Variants in NFATC3 observed in about 807,000 individuals in gnomAD.
The protein encoded by NFATC3 is nuclear factor of activated T cells 3, also known as nuclear factor of activated T-cells, cytoplasmic 3.
Under a neutral mutation model 98.6 loss-of-function variants are expected in NFATC3, and 46 were observed. That is an observed-to-expected ratio of 0.47 (90% CI 0.37 to 0.60). The LOEUF is 0.60. Among genes scored for constraint, NFATC3 ranks in the 20% least tolerant of loss-of-function variants. NFATC3 has a pLI of 0.00. For missense variants in NFATC3, 1,256 were observed against 1,295.5 expected (o/e 0.97, Z 0.47); for synonymous variants, 512 against 472.2 (o/e 1.08, Z -1.09).
chr16:68,173,317 A>T (rs2039550531), intron 5 of NFATC3, among the ~76,000 whole-genome samples: 2 of 152,164 alleles, frequency 1.3e-5, no homozygotes, highest in South Asian at 4.1e-4. Flanking sequence ...CTGTAATCCC[A>T]GCACTTTGGG....
rs567422126 is a variant in NFATC3, at chr16:68,195,392, G to A, written c.3106+3617G>A. Among the ~76,000 whole-genome samples the A allele has an allele frequency of 3.3e-5, 5 of 152,312 alleles. No homozygotes were observed. The East Asian group carries it at 9.6e-4, about 29-fold the overall frequency. ...CAGTAATTACAGAGGGGGAAGAGCA[G>A]TACACAATGGTGTGCACCTGTAGTC... On this transcript the variant is annotated intron_variant, in intron 9 of 9. Transcript: ENST00000346183.
At chr16:68,119,118 C>T (rs576917299) in intron 1 of NFATC3, among the ~76,000 whole-genome samples, 9 of 152,282 alleles carry the variant, frequency 5.9e-5, no homozygotes, top group South Asian at 4.1e-4. Context: ...CCACCCGCCT[C>T]GGCCTCTCAA....
At chr16:68,180,460 G>A (rs1469365471) in intron 6 of NFATC3, among the ~76,000 whole-genome samples, 2 of 152,046 alleles carry the variant, frequency 1.3e-5, no homozygotes, top group East Asian at 3.9e-4. Flanking sequence ...GCCACCACTT[G>A]ATGGCGGTGT....
rs2151431104 is a variant in NFATC3 at position 68,085,601 on chromosome 16, G to C, written c.-81G>C. On this transcript the variant is annotated 5_prime_UTR_variant, in exon 1 of 10. Coordinates refer to ENST00000346183, the MANE Select transcript of NFATC3 (RefSeq NM_173165.3). Reference sequence around the variant, plus strand: ...TGGCCCGCGCGGCCCGGCATGAAGCGGCGTTGAGGAGCTGCTGCCGCCGCT... The same window carrying C: ...TGGCCCGCGCGGCCCGGCATGAAGCCGCGTTGAGGAGCTGCTGCCGCCGCT... 1 of 1,250,518 alleles carries C rather than the reference G, an allele frequency of 8.0e-7. No homozygotes were observed. Among genetic ancestry groups the C allele is most frequent in the East Asian group, 3.1e-5 (1 of 32,166 alleles). 77.5% of individuals were successfully genotyped at this position (1,250,518 alleles called of 1,614,324 possible).
rs1281424632 is a variant in NFATC3 at position 68,226,436 on chromosome 16, G to A, written c.3193G>A (p.Glu1065Lys). The A allele has an allele frequency of 6.4e-7, 1 of 1,564,180 alleles. No homozygotes were observed. The highest frequency in any genetic ancestry group is 2.5e-5 in the East Asian group (1 of 40,224). ...VSRQAPLPSP[E>K]SLDLGRSDGL is the part of the protein sequence containing the mutation. Reference sequence around the variant, plus strand: ...CAGGCAGGCTCCCCTCCCGAGTCCTGAGTCCCTGGATTTAGGAAGATCTGA... The same window carrying A: ...CAGGCAGGCTCCCCTCCCGAGTCCTAAGTCCCTGGATTTAGGAAGATCTGA... The change falls in exon 10 of 10, where the codon GAG (glutamate) becomes AAG (lysine). Residue 1065 changes from glutamate (E) to lysine (K), a missense_variant. Physicochemically the swap from Glu to Lys is moderately conservative, Grantham distance 56. Around this residue, in one of 3 missense-constraint regions of NFATC3, gnomAD observed 636 missense variants for 617.3 expected, o/e 1.03. Transcript: ENST00000346183.
At chr16:68,214,529 C>T in intron 9 of NFATC3, 1 of 979,084 alleles carries the variant, frequency 1.0e-6, no homozygotes, top group Non-Finnish European at 1.6e-6. Flanking sequence ...AGGGGGTATG[C>T]ACGGGCATTT....
In NFATC3 at chr16:68,122,211, A is replaced by G. The variant is rs776639327; in HGVS notation, c.328A>G (p.Ser110Gly). The part of the protein sequence containing the change: ...LGGPKPFECP[S>G]IQITSISPNC... ...TGGTCCCAAACCCTTTGAGTGCCCA[A>G]GTATTCAAATTACATCTATCTCTCC... The change falls in exon 2 of 10, where the codon AGT (serine) becomes GGT (glycine). Residue 110 changes from serine (S) to glycine (G), a missense_variant. By Grantham distance (56) the Ser-to-Gly change is moderately conservative. Transcript: ENST00000346183. The G allele has an allele frequency of 1.9e-6, 3 of 1,614,196 alleles. No individual in the cohort carries two copies. The highest frequency in any genetic ancestry group is 1.7e-5 in the Admixed American group (1 of 60,014).
At chr16:68,211,746 TCCTGACCTCAGGTGATCTACCCG>T (rs753699541) in intron 9 of NFATC3, among the ~76,000 whole-genome samples, 174 of 151,918 alleles carry the variant, frequency 1.1e-3, no homozygotes, top group Non-Finnish European at 2.3e-3. Flanking sequence ...GGTCTCGAAC[TCCTGACCTCAGGTGATCTACCCG>T]CCTTGGCCTC....
In NFATC3 at chr16:68,221,600, G is replaced by A. The variant is rs2041866990; in HGVS notation, c.3107-4750G>A. The A allele has an allele frequency of 8.4e-6, 9 of 1,071,592 alleles. No individual in the cohort carries two copies. In the East Asian group the frequency reaches 2.0e-4, roughly 23 times the overall value. 66.4% of individuals were successfully genotyped at this position (1,071,592 alleles called of 1,614,324 possible). Reference sequence around the variant, plus strand: ...AAACAAGATAGAGAAAGTCTGCCCCGTTGGAACTTAAATCTCCTGACTGCT... The same window carrying A: ...AAACAAGATAGAGAAAGTCTGCCCCATTGGAACTTAAATCTCCTGACTGCT... On this transcript the variant is annotated intron_variant, in intron 9 of 9. Transcript: ENST00000346183.
intron 1 of NFATC3, among the ~76,000 whole-genome samples, chr16:68,095,883 G>A (rs763426449): frequency 6.6e-6 from 1 of 152,182 alleles, no homozygotes; most frequent in Admixed American, 6.5e-5. Flanking sequence ...TGGTTCAGGT[G>A]GAACCTGATG....
chr16:68,148,289 T>G (rs973852232), intron 3 of NFATC3, among the ~76,000 whole-genome samples: 2 of 152,182 alleles, frequency 1.3e-5, no homozygotes, highest in African/African-American at 4.8e-5. Flanking sequence ...GTGCTGGGAT[T>G]ACAGGTGTGA....
chr16:68,149,989 C>T (rs2038230170), intron 3 of NFATC3, among the ~76,000 whole-genome samples: 1 of 151,896 alleles, frequency 6.6e-6, no homozygotes, highest in Non-Finnish European at 1.5e-5. Flanking sequence ...GCTGTTTTTC[C>T]CTGCTTTATA....
At chr16:68,125,813 TATAAGA>T (rs2036806376) in intron 2 of NFATC3, among the ~76,000 whole-genome samples, 1 of 152,180 alleles carries the variant, frequency 6.6e-6, no homozygotes, top group Non-Finnish European at 1.5e-5. Flanking sequence ...TTTTATAAAT[TATAAGA>T]ATTTGTCTTT....
intron 1 of NFATC3, among the ~76,000 whole-genome samples, chr16:68,101,537 G>C (rs2035359107): frequency 6.6e-6 from 1 of 150,896 alleles, no homozygotes; most frequent in Non-Finnish European, 1.5e-5. Flanking sequence ...AGGCTGGAGT[G>C]CAGTGGCGCG....
At chr16:68,217,990 T>G in intron 9 of NFATC3, 12 of 1,189,840 alleles carry the variant, frequency 1.0e-5, no homozygotes, top group Non-Finnish European at 1.2e-5. Context: ...CATAGATACC[T>G]TCTAAATTTT....
chr16:68,095,485 C>T (rs771642312), intron 1 of NFATC3, among the ~76,000 whole-genome samples: 10 of 151,464 alleles, frequency 6.6e-5, no homozygotes, highest in Non-Finnish European at 2.9e-5. Context: ...TCCCAAGTAG[C>T]TGGGATTACA....
At chr16:68,127,466 C>T (rs1223431399) in intron 3 of NFATC3, among the ~76,000 whole-genome samples, 2 of 151,952 alleles carry the variant, frequency 1.3e-5, no homozygotes, top group African/African-American at 2.4e-5. Context: ...GCAAGTGGAT[C>T]ACTTGAGCCC....
intron 3 of NFATC3, among the ~76,000 whole-genome samples, chr16:68,142,406 A>C (rs886547874): frequency 6.6e-6 from 1 of 152,174 alleles, no homozygotes; most frequent in Non-Finnish European, 1.5e-5. Flanking sequence ...GGTGTGTAGC[A>C]GTGCTACCAA....
At chr16:68,118,489 C>G (rs566946035) in intron 1 of NFATC3, among the ~76,000 whole-genome samples, 9 of 152,144 alleles carry the variant, frequency 5.9e-5, no homozygotes, top group South Asian at 2.1e-4. Flanking sequence ...ATGCTGCATT[C>G]TTTTGGTTAT....
Sources: gnomAD v4.1 joint callset for allele counts (sites outside exome capture counted in the v4.1 genomes callset) on GRCh38, gnomAD v4.1.1 for gene constraint, gnomAD v4.1.1 regional missense constraint, MANE v1.5 for transcripts, NCBI Gene and HGNC (gene_info 2026-07-23, HGNC 2026-07-21) for gene names.